The following ABCA4 variants were observed in gnomAD, a reference collection of about 807,000 sequenced individuals.
The protein encoded by ABCA4 is retinal-specific phospholipid-transporting ATPase ABCA4.
Under a neutral mutation model 263.7 loss-of-function variants are expected in ABCA4, and 196 were observed. The ratio of observed to expected loss-of-function variants is 0.74; its 90% CI spans 0.66 to 0.84. ABCA4 has a LOEUF of 0.84. ABCA4 is among the 40% of genes least tolerant of loss of function. ABCA4 has a pLI of 0.00. For synonymous variants in ABCA4, 1,133 were observed against 1,094.2 expected (o/e 1.04, Z -0.70); for missense variants, 2,792 against 2,855.1 (o/e 0.98, Z 0.50).
chr1:94,041,497 A>G (rs527703367), intron 22 of ABCA4, 95 bp from the exon 23 acceptor site: 4 of 1,374,506 alleles, frequency 2.9e-6, no homozygotes, highest in African/African-American at 1.6e-5. Flanking sequence ...TATAGTTGCA[A>G]AAATCAGGAG....
chr1:94,030,962 C>T (rs1444809263), intron 28 of ABCA4, 34 bp downstream of exon 28: 2 of 1,613,572 alleles, frequency 1.2e-6, no homozygotes, highest in East Asian at 2.2e-5. Flanking sequence ...GCCCCAAACC[C>T]ACAGAGGAGA....
rs1430282501 is a variant in ABCA4 at position 94,080,670 on chromosome 1, G to C, written c.907C>G (p.Leu303Val). 4.3e-6 allele frequency: 7 copies of C among 1,614,170 alleles called. No homozygotes were observed. Among genetic ancestry groups the C allele is most frequent in the Non-Finnish European group, 5.9e-6 (7 of 1,180,036 alleles). ...MQDLLWVTRP[L>V]MQNGGPETFT... ...GTCTCTGGACCACCATTCTGCATGA[G>C]GGGCCTGGTCACCCACAGCAAGTCC... The change falls in exon 8 of 50, where the codon CTC becomes GTC. Residue 303 changes from leucine to valine, a missense_variant. Physicochemically the swap from Leu to Val is conservative, Grantham distance 32. Coordinates refer to ENST00000370225, the MANE Select transcript of ABCA4 (RefSeq NM_000350.3).
At chr1:94,095,626 TC>T (rs1570419800) in intron 6 of ABCA4, among the ~76,000 whole-genome samples, 2 of 152,038 alleles carry the variant, frequency 1.3e-5, no homozygotes, top group East Asian at 3.9e-4. Flanking sequence ...TTTCAGAGGA[TC>T]GGAGGGTCTG....
At chr1:94,110,260 G>T (rs1189262812) in intron 3 of ABCA4, among the ~76,000 whole-genome samples, 1 of 152,106 alleles carries the variant, frequency 6.6e-6, no homozygotes, top group Non-Finnish European at 1.5e-5. Flanking sequence ...AAAATTACAG[G>T]CTTACAGATC....
In ABCA4 at chr1:94,043,423, G is replaced by C. The variant is rs779067729; in HGVS notation, c.3103C>G (p.Gln1035Glu). Residue 1035 changes from glutamine to glutamate, a missense_variant, in exon 21 of 50, where the codon CAG becomes GAG. Gln to Glu is a conservative substitution (Grantham distance 29, BLOSUM62 2). Transcript: ENST00000370225. ...TCCATCTCCAGCTGGGCCTCCTCCTGGGACTTTCCTTTCAGCTGGGCATAG... is the reference window on the plus strand; with the variant it reads ...TCCATCTCCAGCTGGGCCTCCTCCTCGGACTTTCCTTTCAGCTGGGCATAG... ...LFYAQLKGKS[Q>E]EEAQLEMEAM... 3.2e-5 allele frequency: 52 copies of C among 1,614,008 alleles called. No individual in the cohort carries two copies. The highest frequency in any genetic ancestry group is 4.2e-5 in the Non-Finnish European group (50 of 1,180,038).
rs199590367 is a variant in ABCA4 at position 94,060,728 on chromosome 1, T to C, written c.1969A>G (p.Ile657Val). 1.4e-4 allele frequency: 232 copies of C among 1,613,618 alleles called. No individual in the cohort carries two copies. The highest frequency in any genetic ancestry group is 7.1e-5 in the Non-Finnish European group (84 of 1,179,798). ...FMIILNRCFP[I>V]FMVLAWIYSV... Reference sequence around the variant, plus strand: ...TAGATCCATGCCAGCACCATGAAGATAGGGAAACAGCGGTTCAGGATGATC... The same window carrying C: ...TAGATCCATGCCAGCACCATGAAGACAGGGAAACAGCGGTTCAGGATGATC... The change falls in exon 14 of 50, where the codon ATC (isoleucine) becomes GTC (valine). Residue 657 changes from isoleucine (I) to valine (V), a missense_variant. Transcript: ENST00000370225.
intron 49 of ABCA4, 148 bp from the exon 50 acceptor site, chr1:93,993,390 A>T (rs1200681476): frequency 1.0e-6 from 1 of 970,152 alleles, no homozygotes; most frequent in Non-Finnish European, 1.6e-6. Flanking sequence ...CACCCAGGTT[A>T]TGGGCCATCT....
intron 42 of ABCA4, 31 bp downstream of exon 42, chr1:94,008,204 G>T: frequency 6.2e-7 from 1 of 1,608,442 alleles, no homozygotes; most frequent in Non-Finnish European, 8.5e-7. Context: ...ATGTTCGGAA[G>T]CCTTTCACAC....
intron 7 of ABCA4, among the ~76,000 whole-genome samples, chr1:94,082,374 C>A (rs750469727): frequency 2.0e-5 from 3 of 152,218 alleles, no homozygotes; most frequent in Non-Finnish European, 2.9e-5. Flanking sequence ...CTACTCAGAA[C>A]TAAGAGTGTT....
chr1:94,085,823 T>TC (rs897804498), intron 6 of ABCA4, among the ~76,000 whole-genome samples: 10 of 151,768 alleles, frequency 6.6e-5, no homozygotes, highest in East Asian at 1.9e-4. Flanking sequence ...TGCTCTCTAT[T>TC]CCCCCCCATT....
At position 94,120,980 on chromosome 1, in the gene ABCA4, C is replaced by A. The variant is rs2101191227; in HGVS notation, c.66G>T (p.Lys22Asn). Residue 22 changes from lysine (K) to asparagine (N), a missense_variant and splice_region_variant, in exon 1 of 50, where the codon AAG (lysine) becomes AAT (asparagine). Lys to Asn is a moderately conservative substitution (Grantham distance 94). Transcript: ENST00000370225. The stretch of plus-strand genomic sequence containing the variant: ...TTAAACCACAGACAGTAACTGTTAC[C>A]TTTTGCCTTTTCCGCAGGGTCCAGT... ...WKNWTLRKRQ[K>N]IRFVVELVWP... is the part of the protein sequence containing the mutation. 1 of 1,561,812 alleles carries A rather than the reference C, an allele frequency of 6.4e-7. No homozygotes were observed. Among genetic ancestry groups the A allele is most frequent in the African/African-American group, 1.4e-5 (1 of 72,856 alleles).
chr1:94,019,003 T>G (rs1053865788), intron 36 of ABCA4, among the ~76,000 whole-genome samples: 1 of 147,594 alleles, frequency 6.8e-6, no homozygotes, highest in African/African-American at 2.5e-5. Context: ...AATTTGAGTT[T>G]CAGATAAACA....
Position 94,000,238 on chromosome 1 carries a change from C to T in ABCA4, c.6479+598G>A, listed in dbSNP as rs116397416. Among the ~76,000 whole-genome samples, 327 of 152,268 alleles carry T rather than the reference C, an allele frequency of 2.1e-3. 2 individuals are homozygous for T. Among genetic ancestry groups the T allele is most frequent in the African/African-American group, 7.3e-3 (304 of 41,534 alleles). ...AAGCATATCAGAACGTGAATGAGCACGGCAATATGCTGATAATCTTAAACT... is the reference window on the plus strand; with the variant it reads ...AAGCATATCAGAACGTGAATGAGCATGGCAATATGCTGATAATCTTAAACT... On this transcript the variant is annotated intron_variant, in intron 47 of 49. Transcript: ENST00000370225.
In ABCA4 at chr1:94,021,654, C is replaced by T. The variant is rs756121599; in HGVS notation, c.4834G>A (p.Glu1612Lys). 1.1e-5 allele frequency: 18 copies of T among 1,612,274 alleles called. No individual in the cohort carries two copies. Among genetic ancestry groups the T allele is most frequent in the Non-Finnish European group, 1.5e-5 (18 of 1,179,036 alleles). ...IPDFLKHLET[E>K]DNIKVWFNNK... ...AGGTCAAGTACCTTAATGTTGTCTTCAGTTTCTAGATGTTTAAGGAAATCA... is the reference window on the plus strand; with the variant it reads ...AGGTCAAGTACCTTAATGTTGTCTTTAGTTTCTAGATGTTTAAGGAAATCA... The change falls in exon 34 of 50, where the codon GAA becomes AAA. Residue 1612 changes from glutamate to lysine, a missense_variant. Glu to Lys is a moderately conservative substitution (Grantham distance 56). Transcript: ENST00000370225.
In ABCA4 at chr1:94,028,930, A is replaced by AAAAAAAAAAAC. The variant is rs35998587; in HGVS notation, c.4539+514_4539+515insGTTTTTTTTTT. The stretch of plus-strand genomic sequence containing the variant: ...TCAAAAAAAAAAAAAAAAAAAAAAA[A>AAAAAAAAAAAC]GAAATTCAAACAATGGGATAATATA... On this transcript the variant is annotated intron_variant, in intron 30 of 49. Transcript: ENST00000370225. Among the ~76,000 whole-genome samples, 34 of 108,036 alleles carry AAAAAAAAAAAC rather than the reference A, an allele frequency of 3.1e-4. 4 individuals are homozygous for AAAAAAAAAAAC. The highest frequency in any genetic ancestry group is 4.9e-4 in the African/African-American group (13 of 26,360). 70.9% of individuals were successfully genotyped at this position (108,036 alleles called of 152,430 possible). A position where few individuals can be genotyped will look rare whatever the true frequency, so the allele number is the denominator to read the frequency against.
chr1:94,102,308 G>A (rs1662304413), intron 5 of ABCA4, among the ~76,000 whole-genome samples: 1 of 152,094 alleles, frequency 6.6e-6, no homozygotes. Flanking sequence ...AAGTGGTCCA[G>A]GAAAGCAGAA....
In ABCA4 at chr1:94,103,108, A is replaced by G. The variant is rs767738064; in HGVS notation, c.477T>C (p.Asp159=). The G allele has an allele frequency of 6.2e-7, 1 of 1,614,060 alleles. No homozygotes were observed. Among genetic ancestry groups the G allele is most frequent in the Non-Finnish European group, 8.5e-7 (1 of 1,179,916 alleles). The change falls in exon 5 of 50, where the codon GAT becomes GAC. Residue 159 remains aspartate, a synonymous_variant. Coordinates refer to ENST00000370225, the MANE Select transcript of ABCA4 (RefSeq NM_000350.3). ...RGIRIRDILK[D]EETLTLFLIK... is the part of the protein sequence containing the mutation. ...TGAGAAATAGTGTCAGTGTTTCTTC[A>G]TCTTTCAAGATATCCCTTATTCGTA...
chr1:94,050,522 A>C (rs1366351972), intron 17 of ABCA4, among the ~76,000 whole-genome samples: 10 of 152,204 alleles, frequency 6.6e-5, no homozygotes, highest in Non-Finnish European at 4.4e-5. Flanking sequence ...GTTGGCAAAC[A>C]TATTTGTGAT....
chr1:94,017,983 G>T (rs1202685929), intron 36 of ABCA4, among the ~76,000 whole-genome samples: 1 of 152,122 alleles, frequency 6.6e-6, no homozygotes, highest in African/African-American at 2.4e-5. Context: ...GGCTAATGGT[G>T]GTCCTAAGTT....
Sources: allele counts gnomAD v4.1 joint callset (sites outside exome capture counted in the v4.1 genomes callset), GRCh38; gene constraint gnomAD v4.1.1; transcripts MANE v1.5; gene names NCBI Gene and HGNC (gene_info 2026-07-23, HGNC 2026-07-21).